Variants in CHST9 observed in about 807,000 individuals in gnomAD.
The protein encoded by CHST9 is GalNAc-4-sulfotransferase 2.
In CHST9, 41 loss-of-function variants were observed where a neutral mutation model predicts 44.4. That is an observed-to-expected ratio of 0.92 (90% CI 0.72 to 1.20). The LOEUF (loss-of-function observed/expected upper bound fraction) is 1.20, where lower values mean the gene tolerates loss of function less well. Among genes scored for constraint, CHST9 ranks in the 50% most tolerant of loss-of-function variants. The pLI is 0.00. For missense variants in CHST9, 504 were observed against 516.5 expected (o/e 0.98, Z 0.23); for synonymous variants, 171 against 178.4 (o/e 0.96, Z 0.33).
chr18:27,148,174 G>A lies in CHST9; in HGVS notation c.-96-5269C>T, dbSNP rs373174243. On this transcript the variant is annotated intron_variant, in intron 1 of 5. Transcript: ENST00000618847. Reference sequence around the variant, plus strand: ...GATAATGGCCTCTAGCTCCATCCACGTTTCCACAAAGGACATGATCTCATT... The same window carrying A: ...GATAATGGCCTCTAGCTCCATCCACATTTCCACAAAGGACATGATCTCATT... Among the ~76,000 whole-genome samples the A allele has an allele frequency of 4.5e-4, 69 of 151,946 alleles. 2 individuals carry two copies. In the South Asian group the frequency reaches 6.0e-3, roughly 13 times the overall value.
At chr18:27,052,280 A>ATATATG (rs2143575054) in intron 2 of CHST9, among the ~76,000 whole-genome samples, 1 of 69,452 alleles carries the variant, frequency 1.4e-5, no homozygotes, top group East Asian at 4.0e-4. Flanking sequence ...ATATATATGT[A>ATATATG]TATATATGTG....
chr18:27,114,988 G>A (rs1384104714), intron 2 of CHST9, among the ~76,000 whole-genome samples: 1 of 152,146 alleles, frequency 6.6e-6, no homozygotes, highest in African/African-American at 2.4e-5. Context: ...ATTTCCCCAT[G>A]CTGTTCTCAT....
intron 2 of CHST9, among the ~76,000 whole-genome samples, chr18:27,068,924 T>C (rs1210007517): frequency 2.6e-5 from 4 of 152,234 alleles, no homozygotes; most frequent in Admixed American, 2.6e-4. Flanking sequence ...TTTTCTTTTC[T>C]AGGACATGAA....
At chr18:26,951,753 A>T (rs2056251398) in intron 4 of CHST9, among the ~76,000 whole-genome samples, 1 of 152,194 alleles carries the variant, frequency 6.6e-6, no homozygotes, top group South Asian at 2.1e-4. Context: ...AGATGAGGAA[A>T]ATTTCTAGGC....
intron 2 of CHST9, among the ~76,000 whole-genome samples, chr18:27,069,990 C>T (rs905074296): frequency 6.6e-6 from 1 of 152,074 alleles, no homozygotes; most frequent in South Asian, 2.1e-4. Context: ...GCCTTGAACA[C>T]GTTAAATGAT....
At chr18:27,029,124 G>C (rs547840429) in intron 3 of CHST9, among the ~76,000 whole-genome samples, 17 of 152,004 alleles carry the variant, frequency 1.1e-4, no homozygotes, top group Admixed American at 1.0e-3. Context: ...ACCAGAAAGG[G>C]GGCTCAAGAC....
intron 2 of CHST9, among the ~76,000 whole-genome samples, chr18:27,071,093 A>T (rs972435775): frequency 6.6e-6 from 1 of 151,722 alleles, no homozygotes; most frequent in Admixed American, 6.6e-5. Context: ...ATTTCCTTCC[A>T]CTATCCTTCC....
chr18:27,082,266 T>C (rs1435352460), intron 2 of CHST9, among the ~76,000 whole-genome samples: 2 of 152,254 alleles, frequency 1.3e-5, no homozygotes, highest in East Asian at 1.9e-4. Context: ...TCATATTTTA[T>C]ACTTAAGCAT....
In CHST9 at chr18:26,908,554, G is replaced by A. The variant is rs1228275656; in HGVS notation, c.*7705C>T. 6.6e-6 allele frequency: 1 copy of A among 152,152 alleles called. No individual in the cohort carries two copies. The highest frequency in any genetic ancestry group is 1.9e-4 in the East Asian group (1 of 5,196). 9.4% of individuals were successfully genotyped at this position (152,152 alleles called of 1,614,324 possible). A position where few individuals can be genotyped will look rare whatever the true frequency, so the allele number is the denominator to read the frequency against. ...AATATCAAAAGAAGAAAAATGCAAA[G>A]AGAAAAGAAGTAATTTTTAAATAAA... On this transcript the variant is annotated 3_prime_UTR_variant, in exon 6 of 6. Transcript: ENST00000618847.
At chr18:27,110,396 A>G (rs2058260918) in intron 2 of CHST9, among the ~76,000 whole-genome samples, 1 of 152,090 alleles carries the variant, frequency 6.6e-6, no homozygotes, top group African/African-American at 2.4e-5. Flanking sequence ...AGAAGTATCT[A>G]ACTCAAACTG....
chr18:27,029,801 C>G (rs769349932), intron 3 of CHST9, among the ~76,000 whole-genome samples: 1 of 152,140 alleles, frequency 6.6e-6, no homozygotes, highest in Non-Finnish European at 1.5e-5. Context: ...TTTAAATCCA[C>G]GTATGATGGT....
intron 2 of CHST9, among the ~76,000 whole-genome samples, chr18:27,113,017 G>A (rs1445647526): frequency 2.6e-5 from 4 of 151,982 alleles, no homozygotes; most frequent in South Asian, 2.1e-4. Context: ...GTGAAACCCC[G>A]CCTCTACTAA....
intron 4 of CHST9, among the ~76,000 whole-genome samples, chr18:26,953,789 C>T (rs2145135686): frequency 6.6e-6 from 1 of 152,264 alleles, no homozygotes; most frequent in African/African-American, 2.4e-5. Context: ...TCCCAATTAG[C>T]CTGCTCCTTT....
At chr18:27,065,584 C>CTTT (rs56023514) in intron 2 of CHST9, among the ~76,000 whole-genome samples, 16 of 128,696 alleles carry the variant, frequency 1.2e-4, no homozygotes, top group South Asian at 2.7e-4. Flanking sequence ...TCGTTCACTG[C>CTTT]TTTTTTTTTT....
intron 4 of CHST9, among the ~76,000 whole-genome samples, chr18:26,987,387 A>G (rs2056766308): frequency 6.6e-6 from 1 of 152,176 alleles, no homozygotes; most frequent in African/African-American, 2.4e-5. Flanking sequence ...TGCCAAATAA[A>G]CATTTTTTCT....
chr18:27,171,052 A>T (rs1598777610), intron 1 of CHST9, among the ~76,000 whole-genome samples: 1 of 152,352 alleles, frequency 6.6e-6, no homozygotes, highest in East Asian at 1.9e-4. Context: ...AGAAAACAGA[A>T]GAAAAGCGCA....
intron 3 of CHST9, among the ~76,000 whole-genome samples, chr18:27,033,151 G>A (rs977860393): frequency 2.0e-4 from 30 of 152,174 alleles, no homozygotes; most frequent in African/African-American, 7.2e-4. Context: ...ATTCCAGAAA[G>A]GCAGCTGTTG....
chr18:27,132,427 A>G (rs1286591251), intron 2 of CHST9, among the ~76,000 whole-genome samples: 2 of 152,206 alleles, frequency 1.3e-5, no homozygotes, highest in Non-Finnish European at 2.9e-5. Flanking sequence ...AAACCAAGCA[A>G]TTTAACTTCT....
chr18:27,115,013 C>T (rs745740283), intron 2 of CHST9, among the ~76,000 whole-genome samples: 5 of 152,124 alleles, frequency 3.3e-5, no homozygotes, highest in East Asian at 1.9e-4. Context: ...GTGAGTCTTA[C>T]GAGATCAGAA....
Sources: allele counts gnomAD v4.1 joint callset (sites outside exome capture counted in the v4.1 genomes callset), GRCh38; gene constraint gnomAD v4.1.1; transcripts MANE v1.5; gene names NCBI Gene and HGNC (gene_info 2026-07-23, HGNC 2026-07-21).